Variants in NKAIN2 observed in about 807,000 individuals in gnomAD.
NKAIN2 encodes the protein sodium/potassium transporting ATPase interacting 2, also known as sodium/potassium-transporting ATPase subunit beta-1-interacting protein 2.
NKAIN2 carries 14 observed loss-of-function variants against 32.6 expected under a neutral mutation model. That is an observed-to-expected ratio of 0.43 (90% CI 0.28 to 0.67). NKAIN2 has a LOEUF of 0.67. NKAIN2 is among the 30% of genes least tolerant of loss of function. The pLI, the probability that NKAIN2 is intolerant of heterozygous loss-of-function variation, is 0.17. For synonymous variants in NKAIN2, 80 were observed against 87.2 expected, an observed-to-expected ratio of 0.92 and a Z score of 0.46; for missense variants, 198 against 258.3, an observed-to-expected ratio of 0.77 and a Z score of 1.60.
intron 3 of NKAIN2, among the ~76,000 whole-genome samples, chr6:124,577,919 G>A (rs569778693): frequency 3.3e-4 from 50 of 152,244 alleles, no homozygotes; most frequent in African/African-American, 1.2e-3. Flanking sequence ...CCGCATTCCA[G>A]GCCGTACCTT....
chr6:124,075,818 A>G (rs1315083854), intron 1 of NKAIN2, among the ~76,000 whole-genome samples: 1 of 151,838 alleles, frequency 6.6e-6, no homozygotes, highest in Non-Finnish European at 1.5e-5. Context: ...CTGGTCTGGA[A>G]CTCCTGACCT....
intron 4 of NKAIN2, among the ~76,000 whole-genome samples, chr6:124,721,783 T>C (rs1373389926): frequency 6.6e-6 from 1 of 152,184 alleles, no homozygotes; most frequent in South Asian, 2.1e-4. Context: ...CTGTCACCAA[T>C]GGCCCCAGCA....
intron 1 of NKAIN2, among the ~76,000 whole-genome samples, chr6:124,093,247 T>C (rs139185847): frequency 0.011 from 1,731 of 152,126 alleles, 39 homozygotes; most frequent in African/African-American, 0.038. Context: ...TCAAGAGAAA[T>C]GTGACTCCTC....
intron 4 of NKAIN2, among the ~76,000 whole-genome samples, chr6:124,723,589 T>A (rs951296092): frequency 6.6e-6 from 1 of 152,202 alleles, no homozygotes; most frequent in African/African-American, 2.4e-5. Context: ...TTGGGAAGGT[T>A]CCAGTTTATT....
intron 3 of NKAIN2, among the ~76,000 whole-genome samples, chr6:124,451,546 G>T (rs562455217): frequency 6.6e-6 from 1 of 152,166 alleles, no homozygotes; most frequent in African/African-American, 2.4e-5. Flanking sequence ...GCAAGCTAGG[G>T]TGCTCATAAA....
intron 3 of NKAIN2, among the ~76,000 whole-genome samples, chr6:124,634,996 G>GAAAAAAGA (rs1348057879): frequency 1.5e-5 from 2 of 136,334 alleles, no homozygotes; most frequent in Non-Finnish European, 3.2e-5. Context: ...AAGAGAGAAA[G>GAAAAAAGA]AAAAAAGAAA....
At chr6:124,693,995 T>C (rs148735010) in intron 4 of NKAIN2, among the ~76,000 whole-genome samples, 2 of 152,332 alleles carry the variant, frequency 1.3e-5, no homozygotes, top group Admixed American at 1.3e-4. Flanking sequence ...TAAAACACAT[T>C]TTTATAAAAG....
chr6:124,371,332 A>C (rs542304059), intron 3 of NKAIN2, among the ~76,000 whole-genome samples: 1 of 151,998 alleles, frequency 6.6e-6, no homozygotes, highest in Admixed American at 6.6e-5. Flanking sequence ...ACAATCTTGT[A>C]ACTCTAGAAA....
intron 1 of NKAIN2, among the ~76,000 whole-genome samples, chr6:124,027,943 A>C (rs1781190366): frequency 6.6e-6 from 1 of 152,150 alleles, no homozygotes; most frequent in Non-Finnish European, 1.5e-5. Flanking sequence ...CTATGCAATA[A>C]AGGCAAGTCT....
intron 1 of NKAIN2, among the ~76,000 whole-genome samples, chr6:124,076,135 T>C (rs1783685934): frequency 6.6e-6 from 1 of 152,210 alleles, no homozygotes; most frequent in African/African-American, 2.4e-5. Flanking sequence ...AAGGAAAACA[T>C]ATTTCTTGAA....
intron 1 of NKAIN2, among the ~76,000 whole-genome samples, chr6:124,188,711 G>T (rs994206946): frequency 2.0e-5 from 3 of 152,066 alleles, no homozygotes; most frequent in African/African-American, 4.8e-5. Context: ...TCTGAAACCC[G>T]TTCCCCTAGG....
intron 1 of NKAIN2, among the ~76,000 whole-genome samples, chr6:123,881,875 C>G (rs1773473965): frequency 6.6e-6 from 1 of 152,060 alleles, no homozygotes; most frequent in South Asian, 2.1e-4. Flanking sequence ...CACTTTTAGT[C>G]ATATTCTGTA....
Position 124,462,832 on chromosome 6 carries a change from A to G in NKAIN2, c.273+107485A>G, listed in dbSNP as rs192618941. 1.5e-3 allele frequency among the ~76,000 whole-genome samples: 234 copies of G among 152,204 alleles called. 2 individuals carry two copies. Among genetic ancestry groups the G allele is most frequent in the Non-Finnish European group, 5.1e-4 (35 of 67,988 alleles). On this transcript the variant is annotated intron_variant, in intron 3 of 6. Transcript: ENST00000368417. The stretch of plus-strand genomic sequence containing the variant: ...AGAAAATATAGAATGTGAATTCTGT[A>G]TTATGACTTGCAGGGAACACAAAAT...
intron 3 of NKAIN2, among the ~76,000 whole-genome samples, chr6:124,549,938 G>A (rs1298984310): frequency 1.3e-5 from 2 of 152,150 alleles, no homozygotes; most frequent in Non-Finnish European, 2.9e-5. Flanking sequence ...TAGAGTTACT[G>A]TTTTTCCTAT....
chr6:124,042,045 T>C (rs1440770006), intron 1 of NKAIN2, among the ~76,000 whole-genome samples: 1 of 152,224 alleles, frequency 6.6e-6, no homozygotes, highest in Non-Finnish European at 1.5e-5. Context: ...TTCTTTGTTT[T>C]CACCATCTGA....
At chr6:124,540,767 T>G (rs1213067499) in intron 3 of NKAIN2, among the ~76,000 whole-genome samples, 1 of 152,224 alleles carries the variant, frequency 6.6e-6, no homozygotes, top group Non-Finnish European at 1.5e-5. Flanking sequence ...TTTTTCACTT[T>G]CATTATAATA....
At chr6:124,145,803 C>T (rs1787371326) in intron 1 of NKAIN2, among the ~76,000 whole-genome samples, 1 of 152,018 alleles carries the variant, frequency 6.6e-6, no homozygotes, top group Non-Finnish European at 1.5e-5. Flanking sequence ...CCAAGCCTGG[C>T]CTGACAAACT....
chr6:124,502,590 T>G (rs1423464032), intron 3 of NKAIN2, among the ~76,000 whole-genome samples: 8 of 152,226 alleles, frequency 5.3e-5, no homozygotes, highest in African/African-American at 1.9e-4. Flanking sequence ...TACTCCAAGA[T>G]TATAGAAAAG....
At chr6:124,137,911 C>A (rs1582717125) in intron 1 of NKAIN2, among the ~76,000 whole-genome samples, 2 of 152,120 alleles carry the variant, frequency 1.3e-5, no homozygotes, top group East Asian at 1.9e-4. Context: ...CATAAAAATT[C>A]TAGAAGATAA....
Sources: gnomAD v4.1 joint callset for allele counts (sites outside exome capture counted in the v4.1 genomes callset) on GRCh38, gnomAD v4.1.1 for gene constraint, MANE v1.5 for transcripts, NCBI Gene and HGNC (gene_info 2026-07-23, HGNC 2026-07-21) for gene names.